The following USP54 variants were observed in gnomAD, a reference collection of about 807,000 sequenced individuals.
USP54 encodes the protein ubiquitin specific peptidase 54.
Under a neutral mutation model 170.5 loss-of-function variants are expected in USP54, and 87 were observed. The ratio of observed to expected loss-of-function variants is 0.51; its 90% CI spans 0.43 to 0.61. USP54 has a LOEUF of 0.61. Ranked by LOEUF, USP54 falls within the 20% of genes least tolerant of loss-of-function variation. USP54 has a pLI of 0.00. For synonymous variants in USP54, 655 were observed against 742.8 expected, an observed-to-expected ratio of 0.88 and a Z score of 1.92; for missense variants, 1,786 against 2,047.8, an observed-to-expected ratio of 0.87 and a Z score of 2.47.
chr10:73,529,313 GGAAA>G (rs1201370104), intron 15 of USP54, among the ~76,000 whole-genome samples: 1 of 152,046 alleles, frequency 6.6e-6, no homozygotes, highest in Non-Finnish European at 1.5e-5. Flanking sequence ...GAGGGTGGGA[GGAAA>G]GAAAGGATCA....
intron 1 of USP54, among the ~76,000 whole-genome samples, chr10:73,612,308 G>T (rs2080214971): frequency 6.6e-6 from 1 of 151,954 alleles, no homozygotes; most frequent in Non-Finnish European, 1.5e-5. Flanking sequence ...ATGAATACCA[G>T]AATTTTATAG....
intron 7 of USP54, 139 bp from the exon 8 acceptor site, chr10:73,541,877 T>A: frequency 1.3e-6 from 1 of 744,210 alleles, no homozygotes. Context: ...AGGCTCAGTG[T>A]CCCATAAACA....
intron 4 of USP54, among the ~76,000 whole-genome samples, chr10:73,560,207 A>G (rs1296224648): frequency 6.6e-6 from 1 of 152,192 alleles, no homozygotes; most frequent in Non-Finnish European, 1.5e-5. Context: ...GATAACATGT[A>G]ACTTAACCAC....
At chr10:73,520,224 AAAACT>A (rs1228989918) in intron 18 of USP54, among the ~76,000 whole-genome samples, 3 of 152,214 alleles carry the variant, frequency 2.0e-5, no homozygotes, top group African/African-American at 7.2e-5. Flanking sequence ...TTAAAAAAAC[AAAACT>A]AAAATAAATC....
At chr10:73,524,032 T>C (rs927707016) in intron 16 of USP54, among the ~76,000 whole-genome samples, 200 of 150,854 alleles carry the variant, frequency 1.3e-3, no homozygotes, top group African/African-American at 4.6e-3. Context: ...CTCAGCTTCC[T>C]GAGTAGCTGG....
chr10:73,587,120 T>C (rs1413505564), intron 1 of USP54, among the ~76,000 whole-genome samples: 2 of 152,144 alleles, frequency 1.3e-5, no homozygotes, highest in Non-Finnish European at 2.9e-5. Context: ...TAAAGTTGTA[T>C]AATTTACTGA....
Position 73,536,182 on chromosome 10 carries a change from G to C in USP54, c.1144+87C>G, listed in dbSNP as rs529190405. The C allele has an allele frequency of 7.6e-4, 1,161 of 1,526,636 alleles. 5 individuals carry two copies. The Middle Eastern group carries it at 7.8e-3, about 10-fold the overall frequency. The allele number at this position is 1,526,636 out of a possible 1,614,324, so 94.6% of individuals were successfully genotyped here. A position where few individuals can be genotyped will look rare whatever the true frequency, so the allele number is the denominator to read the frequency against. On this transcript the variant is annotated intron_variant, in intron 11 of 23. Transcript: ENST00000687698. Reference sequence around the variant, plus strand: ...ATCCTCTTTCTCCAAGCTAGGTTACGAGCTAAGCACATAATTAACTATGAG... The same window carrying C: ...ATCCTCTTTCTCCAAGCTAGGTTACCAGCTAAGCACATAATTAACTATGAG...
At chr10:73,608,369 A>C (rs1191581951) in intron 1 of USP54, among the ~76,000 whole-genome samples, 1 of 152,208 alleles carries the variant, frequency 6.6e-6, no homozygotes, top group East Asian at 1.9e-4. Flanking sequence ...ACTGTTTTTA[A>C]CACAAACATG....
intron 14 of USP54, 40 bp downstream of exon 14, chr10:73,530,103 T>G (rs2063694297): frequency 2.6e-6 from 4 of 1,554,212 alleles, no homozygotes; most frequent in Non-Finnish European, 3.5e-6. Context: ...ATAAATCAAC[T>G]TTATTCAAAA....
rs986002273 is a variant in USP54, at chr10:73,596,592, G to A, written c.-17-20917C>T. Among the ~76,000 whole-genome samples, 3 of 151,556 alleles carry A rather than the reference G, an allele frequency of 2.0e-5. No homozygotes were observed. The South Asian group carries it at 6.3e-4, about 32-fold the overall frequency. On this transcript the variant is annotated intron_variant, in intron 1 of 22. Coordinates refer to the USP54 transcript ENST00000339859. Reference sequence around the variant, plus strand: ...AATCAGCCAGGCAGTAGTGGTACGCGCCTGTAATCCCAGCTACTCAGGAGG... The same window carrying A: ...AATCAGCCAGGCAGTAGTGGTACGCACCTGTAATCCCAGCTACTCAGGAGG...
At chr10:73,564,804 G>A (rs560107908) in intron 4 of USP54, among the ~76,000 whole-genome samples, 1 of 151,222 alleles carries the variant, frequency 6.6e-6, no homozygotes, top group South Asian at 2.1e-4. Context: ...AAGCATAGTG[G>A]CTCATGCCAG....
At chr10:73,526,569 A>G (rs1314755202) in intron 16 of USP54, 78 bp downstream of exon 16, 1 of 1,576,362 alleles carries the variant, frequency 6.3e-7, no homozygotes, top group African/African-American at 1.4e-5. Context: ...CTAATTTCAA[A>G]TGTGCTCAGG....
intron 3 of USP54, among the ~76,000 whole-genome samples, chr10:73,573,487 GGCACAGTGGCTCAC>G (rs894058061): frequency 6.6e-6 from 1 of 152,068 alleles, no homozygotes; most frequent in African/African-American, 2.4e-5. Flanking sequence ...AAAGAGGCTG[GGCACAGTGGCTCAC>G]GCCTGTAAGC....
At chr10:73,613,661 T>C (rs2080351598) in intron 1 of USP54, among the ~76,000 whole-genome samples, 1 of 151,702 alleles carries the variant, frequency 6.6e-6, no homozygotes. Context: ...GCCGACCACC[T>C]GAGGCCAGGA....
At chr10:73,597,459 A>G (rs2078822108) in intron 1 of USP54, among the ~76,000 whole-genome samples, 1 of 152,202 alleles carries the variant, frequency 6.6e-6, no homozygotes, top group South Asian at 2.1e-4. Context: ...CATCCAGATT[A>G]ATAAACTGTC....
chr10:73,570,886 C>T (rs754981277), intron 4 of USP54, among the ~76,000 whole-genome samples: 1 of 151,978 alleles, frequency 6.6e-6, no homozygotes, highest in Non-Finnish European at 1.5e-5. Context: ...GCCTGTAATC[C>T]CAGTGCTTTG....
chr10:73,591,527 T>C (rs2078250644), upstream of USP54: 1 of 152,134 alleles, frequency 6.6e-6, no homozygotes, highest in African/African-American at 2.4e-5. Context: ...GCACTGACAA[T>C]TCATGACAAA....
intron 1 of USP54, among the ~76,000 whole-genome samples, chr10:73,615,573 T>A (rs960551773): frequency 6.7e-6 from 1 of 150,260 alleles, no homozygotes. Flanking sequence ...AAACATCTCA[T>A]GTACCCAATA....
At chr10:73,533,980 A>G (rs1379738164) in intron 12 of USP54, among the ~76,000 whole-genome samples, 1 of 152,206 alleles carries the variant, frequency 6.6e-6, no homozygotes, top group East Asian at 1.9e-4. Flanking sequence ...ATGGGATACT[A>G]CGGGAATCAA....
Sources: gnomAD v4.1 joint callset for allele counts (sites outside exome capture counted in the v4.1 genomes callset) on GRCh38, gnomAD v4.1.1 for gene constraint, MANE v1.5 for transcripts, NCBI Gene and HGNC (gene_info 2026-07-23, HGNC 2026-07-21) for gene names.